GSTCD: variants seen among roughly 807,000 people sequenced by gnomAD.
GSTCD encodes the protein glutathione S-transferase C-terminal domain-containing protein.
A neutral mutation model predicts 68.3 loss-of-function variants in GSTCD; 44 were observed. That is an observed-to-expected ratio of 0.64 (90% CI 0.51 to 0.83). The LOEUF (loss-of-function observed/expected upper bound fraction) is 0.83, where lower values mean the gene tolerates loss of function less well. GSTCD is among the 40% of genes least tolerant of loss of function. The pLI is 0.00. For synonymous variants in GSTCD, 273 were observed against 255.2 expected (o/e 1.07, Z -0.67); for missense variants, 739 against 735.9 (o/e 1.00, Z -0.05).
intron 4 of GSTCD, among the ~76,000 whole-genome samples, chr4:105,727,173 T>C (rs1733069114): frequency 6.6e-6 from 1 of 151,994 alleles, no homozygotes; most frequent in East Asian, 1.9e-4. Flanking sequence ...ATAATCTTTT[T>C]CTGTTGTAAA....
intron 5 of GSTCD, among the ~76,000 whole-genome samples, chr4:105,820,334 G>A (rs1723225700): frequency 6.6e-6 from 1 of 151,748 alleles, no homozygotes; most frequent in Non-Finnish European, 1.5e-5. Flanking sequence ...TTGCATTGCA[G>A]AACAAATGAC....
chr4:105,830,738 A>G (rs1409335096), intron 8 of GSTCD, among the ~76,000 whole-genome samples: 1 of 152,108 alleles, frequency 6.6e-6, no homozygotes, highest in East Asian at 1.9e-4. Context: ...TATATTGTAG[A>G]GCATTTTACA....
chr4:105,842,631 T>A (rs1159384371), intron 11 of GSTCD, among the ~76,000 whole-genome samples: 1 of 152,244 alleles, frequency 6.6e-6, no homozygotes, highest in Admixed American at 6.5e-5. Flanking sequence ...TCAAGTTTAA[T>A]AAGTAATTGA....
At chr4:105,771,125 A>T (rs1205993321) in intron 5 of GSTCD, among the ~76,000 whole-genome samples, 2 of 152,148 alleles carry the variant, frequency 1.3e-5, no homozygotes, top group African/African-American at 4.8e-5. Flanking sequence ...ACGAACAGTG[A>T]TGATGAGTTT....
chr4:105,762,727 T>A (rs972864805), intron 5 of GSTCD, among the ~76,000 whole-genome samples: 1 of 152,234 alleles, frequency 6.6e-6, no homozygotes, highest in African/African-American at 2.4e-5. Context: ...TTTAAATTGA[T>A]TCATGCTTTT....
intron 1 of GSTCD, among the ~76,000 whole-genome samples, chr4:105,716,901 T>C (rs1578404920): frequency 1.3e-5 from 2 of 151,854 alleles, no homozygotes; most frequent in Middle Eastern, 3.4e-3. Context: ...CTAAGGAGGG[T>C]GGGAAGACCT....
rs527920984 is a variant in GSTCD, at chr4:105,814,659, C to T, written c.1241-8295C>T. ...AATAAATTAAAAAAATAAATACTAC[C>T]ACTGCTAGGTACCACCCATCAAATT... is the stretch of plus-strand genomic sequence containing the variant. On this transcript the variant is annotated intron_variant, in intron 5 of 11. Transcript: ENST00000515279. 1.1e-4 allele frequency among the ~76,000 whole-genome samples: 17 copies of T among 151,840 alleles called. No homozygotes were observed. In the South Asian group the frequency reaches 3.3e-3, roughly 30 times the overall value.
chr4:105,712,815 A>G (rs1490268018), intron 1 of GSTCD, among the ~76,000 whole-genome samples: 1 of 152,166 alleles, frequency 6.6e-6, no homozygotes, highest in African/African-American at 2.4e-5. Flanking sequence ...TGGTGTTGCC[A>G]TTTTACCAGG....
intron 5 of GSTCD, among the ~76,000 whole-genome samples, chr4:105,759,310 T>TTTA (rs958364225): frequency 4.2e-4 from 64 of 151,836 alleles, no homozygotes; most frequent in Admixed American, 9.8e-4. Flanking sequence ...CCCAAGAATA[T>TTTA]TTATTATTAT....
intron 5 of GSTCD, among the ~76,000 whole-genome samples, chr4:105,756,454 G>C (rs1360142365): frequency 2.0e-5 from 3 of 149,750 alleles, no homozygotes; most frequent in Non-Finnish European, 4.4e-5. Flanking sequence ...AAGGAATTTA[G>C]GAAATTTGTG....
At chr4:105,789,943 A>T (rs1184174148) in intron 5 of GSTCD, among the ~76,000 whole-genome samples, 2 of 152,022 alleles carry the variant, frequency 1.3e-5, no homozygotes. Context: ...TAAAAAAAAA[A>T]AGTTAATGAC....
intron 4 of GSTCD, 54 bp downstream of exon 4, chr4:105,726,884 G>C (rs1243127128): frequency 7.4e-7 from 1 of 1,352,824 alleles, no homozygotes; most frequent in Admixed American, 2.2e-5. Context: ...ATATTGCTGA[G>C]CATTCTACTC....
chr4:105,718,460 T>G (rs1420362702), intron 2 of GSTCD, among the ~76,000 whole-genome samples: 1 of 152,182 alleles, frequency 6.6e-6, no homozygotes, highest in East Asian at 1.9e-4. Flanking sequence ...CTACCATGAC[T>G]AAAAGCTTCC....
rs796291033 is a variant in GSTCD, at chr4:105,847,050, T to C, written c.*1473T>C. Reference sequence around the variant, plus strand: ...TTTATATATTTCTGGGTAAAACTTATTAGTGGTGTGAGGAGTGCAGAATAT... The same window carrying C: ...TTTATATATTTCTGGGTAAAACTTACTAGTGGTGTGAGGAGTGCAGAATAT... On this transcript the variant is annotated 3_prime_UTR_variant, in exon 12 of 12. Coordinates refer to ENST00000515279, the MANE Select transcript of GSTCD (RefSeq NM_001370181.1). 3 of 152,316 alleles carry C rather than the reference T, an allele frequency of 2.0e-5. No homozygotes were observed. Among genetic ancestry groups the C allele is most frequent in the African/African-American group, 7.2e-5 (3 of 41,570 alleles). 9.4% of individuals were successfully genotyped at this position (152,316 alleles called of 1,614,324 possible). A position where few individuals can be genotyped will look rare whatever the true frequency, so the allele number is the denominator to read the frequency against.
chr4:105,818,466 A>C (rs1436333602), intron 5 of GSTCD, among the ~76,000 whole-genome samples: 1 of 151,750 alleles, frequency 6.6e-6, no homozygotes, highest in East Asian at 1.9e-4. Flanking sequence ...TTGTGTAGAG[A>C]GGCTGGAACA....
intron 5 of GSTCD, among the ~76,000 whole-genome samples, chr4:105,736,374 TG>T: frequency 1.3e-5 from 2 of 152,198 alleles, no homozygotes; most frequent in African/African-American, 2.4e-5. Flanking sequence ...GGATTATATT[TG>T]CTTATACCTA....
intron 5 of GSTCD, among the ~76,000 whole-genome samples, chr4:105,732,250 A>G (rs1733273123): frequency 6.6e-6 from 1 of 152,318 alleles, no homozygotes; most frequent in Non-Finnish European, 1.5e-5. Context: ...TGATTGGAAT[A>G]GTTTCAGAAG....
chr4:105,713,885 C>T (rs1263898714), intron 1 of GSTCD, among the ~76,000 whole-genome samples: 1 of 151,626 alleles, frequency 6.6e-6, no homozygotes, highest in Non-Finnish European at 1.5e-5. Context: ...TAGATCTTGA[C>T]TTGAATTTTG....
intron 5 of GSTCD, chr4:105,807,177 G>C (rs1251925577): frequency 6.6e-6 from 1 of 151,914 alleles, no homozygotes; most frequent in Non-Finnish European, 1.5e-5. Context: ...TTACTATTTT[G>C]CCTTACCTTC....
Sources: allele counts gnomAD v4.1 joint callset (sites outside exome capture counted in the v4.1 genomes callset), GRCh38; gene constraint gnomAD v4.1.1; transcripts MANE v1.5; gene names NCBI Gene and HGNC (gene_info 2026-07-23, HGNC 2026-07-21).